The following ZDHHC21 variants were observed in gnomAD, a reference collection of about 807,000 sequenced individuals.
ZDHHC21 encodes the protein palmitoyltransferase ZDHHC21.
A neutral mutation model predicts 34.6 loss-of-function variants in ZDHHC21; 15 were observed. The observed-to-expected ratio is 0.43, with a 90% confidence interval of 0.29 to 0.67. ZDHHC21 has a LOEUF of 0.67. Ranked by LOEUF, ZDHHC21 falls within the 30% of genes least tolerant of loss-of-function variation. ZDHHC21 has a pLI of 0.14. For missense variants in ZDHHC21, 344 were observed against 327.7 expected, an observed-to-expected ratio of 1.05 and a Z score of -0.38; for synonymous variants, 142 against 101.8, an observed-to-expected ratio of 1.40 and a Z score of -2.38.
chr9:14,675,698 GAA>G (rs1402049823), intron 3 of ZDHHC21, among the ~76,000 whole-genome samples: 1 of 151,894 alleles, frequency 6.6e-6, no homozygotes, highest in African/African-American at 2.4e-5. Context: ...AGTCTAATGG[GAA>G]AAAGAATCAG....
chr9:14,597,500 C>T, the ZDHHC21 span, among the ~76,000 whole-genome samples: 7 of 152,294 alleles, frequency 4.6e-5, no homozygotes, highest in African/African-American at 1.2e-4. Context: ...CTGAGAACAA[C>T]GCAGTCCCTT....
At chr9:14,594,345 G>A in the ZDHHC21 span, 4 of 152,104 alleles carry the variant, frequency 2.6e-5, no homozygotes, top group African/African-American at 9.7e-5. Context: ...GCTACAGAGT[G>A]GTATTGTTAT....
the ZDHHC21 span, among the ~76,000 whole-genome samples, chr9:14,605,479 T>C: frequency 2.6e-5 from 4 of 152,202 alleles, no homozygotes; most frequent in Non-Finnish European, 4.4e-5. Context: ...CATTTGTGTG[T>C]CTTCTTTGGA....
At chr9:14,595,110 T>C in the ZDHHC21 span, among the ~76,000 whole-genome samples, 7 of 152,194 alleles carry the variant, frequency 4.6e-5, no homozygotes, top group African/African-American at 1.7e-4. Context: ...TAGTTAATAG[T>C]TTATTAAAAA....
At chr9:14,610,610 A>G (rs899414771), downstream of ZDHHC21, among the ~76,000 whole-genome samples, 3 of 151,944 alleles carry the variant, frequency 2.0e-5, no homozygotes, top group African/African-American at 7.2e-5. Context: ...GTCTTTTCAG[A>G]GCTGATGATT....
At chr9:14,642,384 AT>A (rs1394226090) in intron 7 of ZDHHC21, among the ~76,000 whole-genome samples, 1 of 152,130 alleles carries the variant, frequency 6.6e-6, no homozygotes, top group Non-Finnish European at 1.5e-5. Context: ...TGGCTTAAAA[AT>A]TTTTATCCAA....
chr9:14,649,566 C>A (rs936455627), intron 7 of ZDHHC21, among the ~76,000 whole-genome samples: 1 of 152,078 alleles, frequency 6.6e-6, no homozygotes, highest in Non-Finnish European at 1.5e-5. Context: ...CCCAACCCAA[C>A]GCTCAGGTAA....
chr9:14,597,917 A>G, the ZDHHC21 span, among the ~76,000 whole-genome samples: 1 of 151,746 alleles, frequency 6.6e-6, no homozygotes, highest in Admixed American at 6.6e-5. Context: ...TACCATCAAC[A>G]TGCCCTCCCC....
intron 1 of ZDHHC21, among the ~76,000 whole-genome samples, chr9:14,690,762 G>A (rs1160226639): frequency 6.6e-6 from 1 of 152,142 alleles, no homozygotes; most frequent in Non-Finnish European, 1.5e-5. Context: ...ATGAAAATGT[G>A]CTTTTTAAAC....
intron 8 of ZDHHC21, among the ~76,000 whole-genome samples, chr9:14,639,252 C>G (rs1199661177): frequency 6.6e-6 from 1 of 151,870 alleles, no homozygotes; most frequent in African/African-American, 2.4e-5. Context: ...TGAAACAAAC[C>G]AGGCACAGAA....
intron 2 of ZDHHC21, chr9:14,683,836 C>G (rs977825554): frequency 6.6e-6 from 1 of 152,120 alleles, no homozygotes; most frequent in African/African-American, 2.4e-5. Flanking sequence ...AGCAGCACAT[C>G]AAAAAGCTTA....
intron 8 of ZDHHC21, among the ~76,000 whole-genome samples, chr9:14,624,938 C>A (rs1825952210): frequency 6.6e-6 from 1 of 151,942 alleles, no homozygotes; most frequent in South Asian, 2.1e-4. Context: ...ATATATCAAT[C>A]AAAAATTTAA....
At chr9:14,642,016 C>T (rs1829466164) in intron 7 of ZDHHC21, among the ~76,000 whole-genome samples, 1 of 152,034 alleles carries the variant, frequency 6.6e-6, no homozygotes, top group African/African-American at 2.4e-5. Context: ...TAAAATCCAT[C>T]CACTCTACTC....
the ZDHHC21 span, among the ~76,000 whole-genome samples, chr9:14,602,215 C>G: frequency 6.6e-6 from 1 of 151,360 alleles, no homozygotes; most frequent in African/African-American, 2.4e-5. Context: ...TAAAAAAATT[C>G]AATAGAGAGC....
At chr9:14,638,684 G>A (rs920800529) in intron 8 of ZDHHC21, among the ~76,000 whole-genome samples, 3 of 150,848 alleles carry the variant, frequency 2.0e-5, no homozygotes, top group Non-Finnish European at 4.4e-5. Flanking sequence ...AAAAAAAAAA[G>A]GTACCATTAA....
At chr9:14,662,940 GTGAAAAA>G (rs1205902692) in intron 5 of ZDHHC21, among the ~76,000 whole-genome samples, 1 of 152,150 alleles carries the variant, frequency 6.6e-6, no homozygotes, top group African/African-American at 2.4e-5. Context: ...AGTTTCAGTA[GTGAAAAA>G]TGTTATAAGA....
At position 14,674,390 on chromosome 9, in the gene ZDHHC21, G is replaced by A. The variant is rs747699294; in HGVS notation, c.-45-5C>T. On this transcript the variant is annotated splice_polypyrimidine_tract_variant and splice_region_variant and intron_variant, in intron 3 of 9. Coordinates refer to ENST00000380916, the MANE Select transcript of ZDHHC21 (RefSeq NM_178566.6). ...AACCCACAAGGAAGGATGATCCTAA[G>A]GAGAAGGAACAAAGAAAATAATTAC... The A allele has an allele frequency of 3.3e-6, 5 of 1,519,226 alleles. No individual in the cohort carries two copies. Among genetic ancestry groups the A allele is most frequent in the Non-Finnish European group, 4.4e-6 (5 of 1,137,410 alleles). 94.1% of individuals were successfully genotyped at this position (1,519,226 alleles called of 1,614,324 possible).
the ZDHHC21 span, among the ~76,000 whole-genome samples, chr9:14,601,863 G>T: frequency 3.4e-4 from 51 of 152,180 alleles, no homozygotes; most frequent in Admixed American, 2.2e-3. Context: ...GGATGAAGCT[G>T]GAAACCATCA....
chr9:14,662,021 A>G (rs1311096040), intron 6 of ZDHHC21, among the ~76,000 whole-genome samples, 194 bp downstream of exon 6: 2 of 152,306 alleles, frequency 1.3e-5, no homozygotes, highest in East Asian at 3.9e-4. Flanking sequence ...TCTCCCTGTT[A>G]GAAAAGATAG....
Sources: allele counts gnomAD v4.1 joint callset (sites outside exome capture counted in the v4.1 genomes callset), GRCh38; gene constraint gnomAD v4.1.1; transcripts MANE v1.5; gene names NCBI Gene and HGNC (gene_info 2026-07-23, HGNC 2026-07-21).